HDX: variants seen among roughly 807,000 people sequenced by gnomAD.
The protein encoded by HDX is highly divergent homeobox.
Under a neutral mutation model 45.2 loss-of-function variants are expected in HDX, and 19 were observed. That is an observed-to-expected ratio of 0.42 (90% CI 0.29 to 0.62). The LOEUF is 0.62. HDX is among the 20% of genes least tolerant of loss of function. The pLI, the probability that HDX is intolerant of heterozygous loss-of-function variation, is 0.20. For synonymous variants in HDX, 188 were observed against 172.8 expected (o/e 1.09, Z -0.69); for missense variants, 532 against 493.9 (o/e 1.08, Z -0.73).
At chrX:84,483,139 G>A (rs953638111) in intron 2 of HDX, among the ~76,000 whole-genome samples, 6 of 111,175 alleles carry the variant, frequency 5.4e-5, no homozygotes, top group Admixed American at 9.5e-5. Flanking sequence ...ACAGACTGAT[G>A]TTAAGTGTAT....
chrX:84,469,746 T>A (rs932928504), intron 3 of HDX, among the ~76,000 whole-genome samples, 171 bp from the exon 4 acceptor site: 8 of 112,169 alleles, frequency 7.1e-5, no homozygotes, highest in Non-Finnish European at 1.1e-4. Context: ...AGGCAAAAGA[T>A]GATCAGGGAC....
intron 9 of HDX, 70 bp downstream of exon 9, chrX:84,333,689 T>C (rs2036893586): frequency 4.3e-6 from 2 of 464,167 alleles, no homozygotes; most frequent in South Asian, 5.9e-5. Flanking sequence ...ATAGGAGTAA[T>C]ATAGGTATTG....
At chrX:84,346,024 A>G (rs1488006661) in intron 6 of HDX, among the ~76,000 whole-genome samples, 1 of 111,522 alleles carries the variant, frequency 9.0e-6, no homozygotes, top group African/African-American at 3.3e-5. Flanking sequence ...TCTATGTAAT[A>G]TATGTGGTTT....
At chrX:84,323,220 C>G (rs181895645) in intron 10 of HDX, among the ~76,000 whole-genome samples, 2 of 110,976 alleles carry the variant, frequency 1.8e-5, no homozygotes, top group Admixed American at 9.6e-5. Flanking sequence ...TAATTTATTG[C>G]TGGAACTGAG....
At chrX:84,457,844 C>T (rs1004546919) in intron 4 of HDX, among the ~76,000 whole-genome samples, 2 of 111,847 alleles carry the variant, frequency 1.8e-5, no homozygotes, top group African/African-American at 3.2e-5. Context: ...TGTCATCACT[C>T]GTGCAAAATG....
intron 5 of HDX, among the ~76,000 whole-genome samples, chrX:84,419,781 G>C (rs930838301): frequency 8.9e-6 from 1 of 112,129 alleles, no homozygotes; most frequent in Non-Finnish European, 1.9e-5. Context: ...GGGTGCTGAT[G>C]TCACCCCACC....
At chrX:84,470,154 A>T (rs774988088) in intron 3 of HDX, among the ~76,000 whole-genome samples, 1 of 111,519 alleles carries the variant, frequency 9.0e-6, no homozygotes, top group East Asian at 2.8e-4. Context: ...ATTCTTTCTT[A>T]TAAGTTATAT....
rs2036543384 is a variant in HDX, at chrX:84,318,659, C to A, written c.*3230G>T. The A allele has an allele frequency of 9.0e-6, 1 of 111,266 alleles. No individual in the cohort carries two copies. Among genetic ancestry groups the A allele is most frequent in the Non-Finnish European group, 1.9e-5 (1 of 52,604 alleles). The allele number at this position is 111,266 out of a possible 1,213,427, so 9.2% of individuals were successfully genotyped here. The stretch of plus-strand genomic sequence containing the variant: ...TTTTCTCCTACAAACTTACAGACTG[C>A]TGAATATGAAAGTGCCTCACAATAG... On this transcript the variant is annotated 3_prime_UTR_variant, in exon 11 of 11. Transcript: ENST00000373177.
At chrX:84,414,507 T>C (rs1350124165) in intron 5 of HDX, among the ~76,000 whole-genome samples, 2 of 112,016 alleles carry the variant, frequency 1.8e-5, no homozygotes, top group Non-Finnish European at 3.8e-5. Context: ...CTAACTAAAA[T>C]AGATACTTAA....
intron 5 of HDX, among the ~76,000 whole-genome samples, chrX:84,406,669 T>C (rs1412337474): frequency 2.7e-5 from 3 of 111,334 alleles, no homozygotes; most frequent in African/African-American, 9.8e-5. Context: ...TCAAAATTAA[T>C]AACAAAGTAG....
At chrX:84,345,906 A>G (rs887237292) in intron 6 of HDX, among the ~76,000 whole-genome samples, 6 of 111,133 alleles carry the variant, frequency 5.4e-5, no homozygotes, top group African/African-American at 2.0e-4. Context: ...TATCATCCCT[A>G]TATTTGCCAT....
At chrX:84,419,854 A>G (rs1216014988) in intron 5 of HDX, among the ~76,000 whole-genome samples, 1 of 112,092 alleles carries the variant, frequency 8.9e-6, no homozygotes, top group Non-Finnish European at 1.9e-5. Flanking sequence ...AAGTAAGGCA[A>G]GAGAACAAAA....
At position 84,468,574 on chromosome X, in the gene HDX, A is replaced by G; in HGVS notation, c.1149T>C (p.Ser383=). Residue 383 remains serine, a synonymous_variant, in exon 4 of 11, where the codon TCT becomes TCC. Transcript: ENST00000373177. ...LTPRTSLHTA[S]STMYSNTNPL... ...GATTGGTATTACTGTACATTGTACT[A>G]GATGCTGTATGTAATGAGGTCCGTG... 4.2e-6 allele frequency: 5 copies of G among 1,195,752 alleles called. No individual in the cohort carries two copies. The highest frequency in any genetic ancestry group is 5.7e-6 in the Non-Finnish European group (5 of 880,678).
At chrX:84,408,499 GTTTTTTTTTTTTTTT>G (rs1220751208) in intron 5 of HDX, among the ~76,000 whole-genome samples, 1 of 44,444 alleles carries the variant, frequency 2.3e-5, no homozygotes, top group African/African-American at 9.4e-5. Context: ...CTCCAGCTTT[GTTTTTTTTTTTTTTT>G]TTTTTTTTGC....
chrX:84,357,824 C>T (rs2037523122), intron 6 of HDX, among the ~76,000 whole-genome samples: 1 of 112,262 alleles, frequency 8.9e-6, no homozygotes, highest in Non-Finnish European at 1.9e-5. Context: ...TTGGTATGAC[C>T]ATGTGACTAA....
intron 5 of HDX, among the ~76,000 whole-genome samples, chrX:84,395,728 A>G (rs1235190269): frequency 1.8e-5 from 2 of 111,396 alleles, no homozygotes; most frequent in Admixed American, 9.5e-5. Flanking sequence ...TGGTCCCTTT[A>G]TGGTGTTCCA....
chrX:84,389,967 C>T (rs1230531293), intron 5 of HDX, among the ~76,000 whole-genome samples: 1 of 111,100 alleles, frequency 9.0e-6, no homozygotes, highest in African/African-American at 3.3e-5. Context: ...TCTTTTCAGG[C>T]GCTCTCCAGG....
intron 5 of HDX, among the ~76,000 whole-genome samples, chrX:84,406,980 C>T (rs1435444056): frequency 9.0e-6 from 1 of 110,844 alleles, no homozygotes; most frequent in Non-Finnish European, 1.9e-5. Context: ...CCAAACAGAA[C>T]TTATCACTTG....
intron 4 of HDX, among the ~76,000 whole-genome samples, chrX:84,466,847 A>C (rs957969122): frequency 8.9e-6 from 1 of 111,845 alleles, no homozygotes; most frequent in African/African-American, 3.2e-5. Flanking sequence ...CAAGCAATTG[A>C]AATATGGATA....
Sources: gnomAD v4.1 joint callset for allele counts (sites outside exome capture counted in the v4.1 genomes callset) on GRCh38, gnomAD v4.1.1 for gene constraint, MANE v1.5 for transcripts, NCBI Gene and HGNC (gene_info 2026-07-23, HGNC 2026-07-21) for gene names.